MBNL2: variants seen among roughly 807,000 people sequenced by gnomAD.
The protein encoded by MBNL2 is muscleblind-like protein 2.
A neutral mutation model predicts 41.9 loss-of-function variants in MBNL2; 17 were observed. The ratio of observed to expected loss-of-function variants is 0.41; its 90% CI spans 0.28 to 0.61. The LOEUF is 0.61. MBNL2 is among the 20% of genes least tolerant of loss of function. The probability of loss-of-function intolerance (pLI) is 0.35; values close to 1 mark genes in which losing one functional copy is unlikely to be tolerated. For missense variants in MBNL2, 336 were observed against 505.6 expected (o/e 0.66, Z 3.22); for synonymous variants, 195 against 182.9 (o/e 1.07, Z -0.53).
chr13:97,152,471 G>T, the MBNL2 span, among the ~76,000 whole-genome samples: 2,168 of 152,120 alleles, frequency 0.014, 51 homozygotes, highest in African/African-American at 0.049. Context: ...GGATAAAAAA[G>T]GCCCAAGCCC....
the MBNL2 span, among the ~76,000 whole-genome samples, chr13:97,155,435 G>A: frequency 7.0e-6 from 1 of 142,528 alleles, no homozygotes; most frequent in East Asian, 2.0e-4. Flanking sequence ...TAGGGTACAC[G>A]TGCACATTGT....
intron 1 of MBNL2, among the ~76,000 whole-genome samples, chr13:97,264,723 G>A (rs2049381165): frequency 3.3e-5 from 5 of 152,202 alleles, no homozygotes; most frequent in Admixed American, 3.3e-4. Context: ...TAGGTGTACA[G>A]GCCAATGAAA....
chr13:97,195,893 T>C, the MBNL2 span, among the ~76,000 whole-genome samples: 1 of 152,216 alleles, frequency 6.6e-6, no homozygotes, highest in Non-Finnish European at 1.5e-5. Context: ...GCTGTATACA[T>C]GTACTACACT....
intron 1 of MBNL2, among the ~76,000 whole-genome samples, chr13:97,256,296 T>C (rs1419264181): frequency 6.6e-6 from 1 of 151,886 alleles, no homozygotes; most frequent in East Asian, 1.9e-4. Flanking sequence ...TAAAAATTTA[T>C]TGACTTTAAG....
chr13:97,219,270 G>A (rs934218021), upstream of MBNL2, among the ~76,000 whole-genome samples: 1 of 152,216 alleles, frequency 6.6e-6, no homozygotes, highest in Non-Finnish European at 1.5e-5. Flanking sequence ...CTGTGGGTCA[G>A]GGAAGGGTTC....
chr13:97,214,809 C>A, the MBNL2 span, among the ~76,000 whole-genome samples: 1 of 152,196 alleles, frequency 6.6e-6, no homozygotes, highest in Non-Finnish European at 1.5e-5. Flanking sequence ...GTGACAGATG[C>A]ACAGTGATCC....
At chr13:97,390,882 T>C (rs76270213) in intron 8 of MBNL2, among the ~76,000 whole-genome samples, 16 of 152,202 alleles carry the variant, frequency 1.1e-4, no homozygotes, top group African/African-American at 2.2e-4. Flanking sequence ...CTGATTATTA[T>C]AGATTTTGAA....
chr13:97,374,552 C>G (rs1434320780), intron 8 of MBNL2, among the ~76,000 whole-genome samples: 3 of 151,642 alleles, frequency 2.0e-5, no homozygotes, highest in East Asian at 3.9e-4. Context: ...CGCCACCACG[C>G]TCAGCTCATT....
the MBNL2 span, among the ~76,000 whole-genome samples, chr13:97,187,915 A>C: frequency 1.3e-5 from 2 of 152,076 alleles, no homozygotes; most frequent in South Asian, 4.2e-4. Context: ...TCAAAAAAAA[A>C]AAAAAAGAAA....
intron 5 of MBNL2, among the ~76,000 whole-genome samples, chr13:97,354,039 C>CAAA (rs61536908): frequency 1.5e-4 from 15 of 101,910 alleles, no homozygotes; most frequent in African/African-American, 2.5e-4. Context: ...GTCCTCAATC[C>CAAA]AAAAAAAAAA....
the MBNL2 span, among the ~76,000 whole-genome samples, chr13:97,161,243 A>C: frequency 6.6e-6 from 1 of 152,088 alleles, no homozygotes; most frequent in Non-Finnish European, 1.5e-5. Context: ...TGGAGTGCAT[A>C]CTCTGGTGGC....
chr13:97,225,612 G>T (rs988571752), intron 1 of MBNL2, among the ~76,000 whole-genome samples: 4 of 152,080 alleles, frequency 2.6e-5, no homozygotes, highest in Admixed American at 6.6e-5. Context: ...GATAAAGGGG[G>T]TTATAAAAAG....
the MBNL2 span, among the ~76,000 whole-genome samples, chr13:97,209,582 T>C: frequency 1.3e-5 from 2 of 152,218 alleles, no homozygotes; most frequent in Non-Finnish European, 2.9e-5. Flanking sequence ...AGTTAGCCCC[T>C]TTGTCTTCTT....
At chr13:97,175,429 AG>A in the MBNL2 span, among the ~76,000 whole-genome samples, 1 of 152,194 alleles carries the variant, frequency 6.6e-6, no homozygotes, top group Non-Finnish European at 1.5e-5. Flanking sequence ...ACGGGTGCAA[AG>A]ATGGGCCTGG....
At chr13:97,237,478 A>T (rs940991278) in intron 1 of MBNL2, among the ~76,000 whole-genome samples, 8 of 152,204 alleles carry the variant, frequency 5.3e-5, no homozygotes, top group African/African-American at 1.4e-4. Context: ...CTACCGTTAC[A>T]GGTAAGATGT....
At chr13:97,343,803 T>C (rs947571215) in intron 4 of MBNL2, among the ~76,000 whole-genome samples, 1 of 152,234 alleles carries the variant, frequency 6.6e-6, no homozygotes, top group Non-Finnish European at 1.5e-5. Context: ...TTTAGTTTTT[T>C]GTTTTGTTTG....
rs1566402010 is a variant in MBNL2 at position 97,298,665 on chromosome 13, A to G, written c.174+22256A>G. Among the ~76,000 whole-genome samples the G allele has an allele frequency of 2.0e-5, 3 of 152,172 alleles. No individual in the cohort carries two copies. The East Asian group carries it at 5.8e-4, about 29-fold the overall frequency. ...TATCTCAGACCTGTTTATATTCCAG[A>G]TATTCTTTTCTGTCAATAAATCACC... On this transcript the variant is annotated intron_variant, in intron 2 of 8. Transcript: ENST00000679496.
At chr13:97,174,287 C>T in the MBNL2 span, among the ~76,000 whole-genome samples, 1 of 152,230 alleles carries the variant, frequency 6.6e-6, no homozygotes, top group East Asian at 1.9e-4. Flanking sequence ...CTTTTCAGTA[C>T]CTGATTTCTT....
chr13:97,209,541 C>T, the MBNL2 span, among the ~76,000 whole-genome samples: 1 of 152,194 alleles, frequency 6.6e-6, no homozygotes, highest in Non-Finnish European at 1.5e-5. Flanking sequence ...TTATAATAAT[C>T]TTTCCAATAT....
Sources: allele counts gnomAD v4.1 joint callset (sites outside exome capture counted in the v4.1 genomes callset), GRCh38; gene constraint gnomAD v4.1.1; transcripts MANE v1.5; gene names NCBI Gene and HGNC (gene_info 2026-07-23, HGNC 2026-07-21).